Variants in GRAMD2B observed in about 807,000 individuals in gnomAD.
The protein encoded by GRAMD2B is GRAM domain-containing protein 2B.
A neutral mutation model predicts 59.2 loss-of-function variants in GRAMD2B; 41 were observed. The ratio of observed to expected loss-of-function variants is 0.69; its 90% CI spans 0.54 to 0.90. The LOEUF (loss-of-function observed/expected upper bound fraction) is 0.90. GRAMD2B is among the 40% of genes least tolerant of loss of function. GRAMD2B has a pLI of 0.00. For missense variants in GRAMD2B, 424 were observed against 500.5 expected, an observed-to-expected ratio of 0.85 and a Z score of 1.46; for synonymous variants, 161 against 182.7, an observed-to-expected ratio of 0.88 and a Z score of 0.96.
chr5:126,391,286 C>A (rs908205034), intron 1 of GRAMD2B, among the ~76,000 whole-genome samples: 5 of 129,376 alleles, frequency 3.9e-5, no homozygotes, highest in African/African-American at 1.2e-4. Context: ...TGCCACTGCA[C>A]TCCAGCCTGG....
intron 1 of GRAMD2B, among the ~76,000 whole-genome samples, chr5:126,450,726 G>A (rs1765199678): frequency 1.3e-5 from 2 of 151,184 alleles, no homozygotes; most frequent in African/African-American, 4.9e-5. Context: ...TCAGCTCAAA[G>A]GGGCCCAGGT....
chr5:126,473,446 TATATTTGTAG>T, intron 5 of GRAMD2B, 78 bp downstream of exon 5: 1 of 449,726 alleles, frequency 2.2e-6, no homozygotes, highest in Non-Finnish European at 3.9e-6. Flanking sequence ...TAAATTTAGC[TATATTTGTAG>T]ATATTTGTAT....
intron 13 of GRAMD2B, chr5:126,490,156 C>T (rs1389057018): frequency 6.6e-6 from 1 of 152,070 alleles, no homozygotes; most frequent in Non-Finnish European, 1.5e-5. Flanking sequence ...CTTTCTAAAA[C>T]ATTAGTTTCT....
intron 1 of GRAMD2B, among the ~76,000 whole-genome samples, chr5:126,416,840 A>G (rs1264884087): frequency 6.6e-6 from 1 of 152,150 alleles, no homozygotes; most frequent in African/African-American, 2.4e-5. Context: ...AGCCTCCCTG[A>G]TCATCCCCTA....
At chr5:126,434,675 G>A (rs527663992) in intron 1 of GRAMD2B, among the ~76,000 whole-genome samples, 10 of 152,030 alleles carry the variant, frequency 6.6e-5, no homozygotes, top group South Asian at 2.1e-4. Flanking sequence ...CCGCCACCAC[G>A]CCCGGCTAAT....
At chr5:126,397,845 T>A (rs900899482) in intron 1 of GRAMD2B, among the ~76,000 whole-genome samples, 1 of 152,080 alleles carries the variant, frequency 6.6e-6, no homozygotes, top group Admixed American at 6.6e-5. Flanking sequence ...TACAGTGTCA[T>A]TGTCTGGGTT....
exon 1 of GRAMD2B, chr5:126,360,370 C>A: frequency 6.4e-7 from 1 of 1,551,340 alleles, no homozygotes; most frequent in Non-Finnish European, 8.7e-7. Flanking sequence ...CAAAAAGGAG[C>A]ATTCAGCAAA....
At chr5:126,447,538 C>T (rs558753462) in intron 1 of GRAMD2B, among the ~76,000 whole-genome samples, 2 of 152,148 alleles carry the variant, frequency 1.3e-5, no homozygotes, top group South Asian at 4.2e-4. Context: ...GTGGCGGGCG[C>T]CTGTAGTCCC....
At chr5:126,475,032 A>C (rs976536268) in intron 5 of GRAMD2B, among the ~76,000 whole-genome samples, 1 of 152,206 alleles carries the variant, frequency 6.6e-6, no homozygotes, top group African/African-American at 2.4e-5. Context: ...TATGAGCTGA[A>C]GGCACCCAAA....
At chr5:126,450,652 TAAAAAAAAAA>T (rs10544199) in intron 1 of GRAMD2B, among the ~76,000 whole-genome samples, 11 of 96,052 alleles carry the variant, frequency 1.1e-4, no homozygotes, top group East Asian at 3.4e-4. Context: ...AGCCTGCTGT[TAAAAAAAAAA>T]AAAAAAAAAA....
chr5:126,378,254 T>C (rs563961339), intron 1 of GRAMD2B, among the ~76,000 whole-genome samples: 1 of 152,300 alleles, frequency 6.6e-6, no homozygotes, highest in Non-Finnish European at 1.5e-5. Flanking sequence ...CCACCTTCTT[T>C]TCTGTTTACT....
chr5:126,479,124 T>G (rs1045107386), intron 6 of GRAMD2B, among the ~76,000 whole-genome samples: 3 of 152,200 alleles, frequency 2.0e-5, no homozygotes, highest in African/African-American at 7.2e-5. Context: ...CACATGAATT[T>G]TTTTAATCTT....
Position 126,486,926 on chromosome 5 carries a change from T to C in GRAMD2B, c.1112T>C (p.Leu371Pro). The change falls in exon 12 of 14, where the codon CTG (leucine) becomes CCG (proline). Residue 371 changes from leucine (L) to proline (P), a missense_variant. Coordinates refer to ENST00000285689, the MANE Select transcript of GRAMD2B (RefSeq NM_023927.4). ...TFYMRYRINT[L>P]EEQLGLLTSI... ...TACATGAGATACAGAATTAATACTC[T>C]GGAGGAGCAGCTGGGGTTACTAACC... 2.5e-6 allele frequency: 4 copies of C among 1,612,514 alleles called. No homozygotes were observed. Among genetic ancestry groups the C allele is most frequent in the Admixed American group, 1.7e-5 (1 of 59,980 alleles).
At chr5:126,464,749 A>G (rs1767986558) in intron 1 of GRAMD2B, among the ~76,000 whole-genome samples, 1 of 152,218 alleles carries the variant, frequency 6.6e-6, no homozygotes, top group Non-Finnish European at 1.5e-5. Context: ...TTATGAGGAT[A>G]AATGGATGAG....
At chr5:126,363,007 A>G (rs906912446) in intron 1 of GRAMD2B, among the ~76,000 whole-genome samples, 3 of 152,252 alleles carry the variant, frequency 2.0e-5, no homozygotes, top group Non-Finnish European at 4.4e-5. Context: ...TTGGTGCTTC[A>G]AAGGACACCA....
chr5:126,447,105 G>A (rs895160256), intron 1 of GRAMD2B, among the ~76,000 whole-genome samples: 3 of 152,024 alleles, frequency 2.0e-5, no homozygotes, highest in African/African-American at 2.4e-5. Flanking sequence ...TCCTTCTTTC[G>A]CCATAACCTT....
In GRAMD2B at chr5:126,458,449, A is replaced by C. The variant is rs532332355; in HGVS notation, c.84-6977A>C. ...AGTAAGGCTCCATCTCAAAACAAAA[A>C]AAAAAAAAGAATGAGGGGCTAGAGA... On this transcript the variant is annotated intron_variant, in intron 1 of 13. Coordinates refer to ENST00000285689, the MANE Select transcript of GRAMD2B (RefSeq NM_023927.4). Among the ~76,000 whole-genome samples, 77 of 139,522 alleles carry C rather than the reference A, an allele frequency of 5.5e-4. No homozygotes were observed. The East Asian group carries it at 9.5e-3, about 17-fold the overall frequency. The allele number at this position is 139,522 out of a possible 152,430, so 91.5% of individuals were successfully genotyped here.
intron 8 of GRAMD2B, among the ~76,000 whole-genome samples, chr5:126,481,203 AAAAGAAAGAAAG>A (rs199869481): frequency 0.47 from 37,298 of 79,190 alleles, 6,851 homozygotes; most frequent in East Asian, 0.7. Context: ...AAAAAAAAAA[AAAAGAAAGAAAG>A]AAAGAAAGAA....
chr5:126,477,763 G>A lies in GRAMD2B; in HGVS notation c.558G>A (p.Leu186=). 6.2e-7 allele frequency: 1 copy of A among 1,610,546 alleles called. No individual in the cohort carries two copies. The highest frequency in any genetic ancestry group is 8.5e-7 in the Non-Finnish European group (1 of 1,176,784). ...TKTALLVPNA[L]IIATVTDRYI... ...CTGCTCTTCTAGTGCCAAACGCCCT[G>A]ATCATAGCAACAGTCACAGACAGGG... is the stretch of plus-strand genomic sequence containing the variant. The change falls in exon 6 of 14, where the codon CTG becomes CTA. Residue 186 remains leucine, a synonymous_variant. Transcript: ENST00000285689.
Sources: gnomAD v4.1 joint callset for allele counts (sites outside exome capture counted in the v4.1 genomes callset) on GRCh38, gnomAD v4.1.1 for gene constraint, MANE v1.5 for transcripts, NCBI Gene and HGNC (gene_info 2026-07-23, HGNC 2026-07-21) for gene names.